Variants in KIAA1217 observed in about 807,000 individuals in gnomAD.
The protein encoded by KIAA1217 is KIAA1217, also known as sickle tail protein homolog.
KIAA1217 carries 88 observed loss-of-function variants against 163.9 expected under a neutral mutation model. The ratio of observed to expected loss-of-function variants is 0.54; its 90% CI spans 0.45 to 0.64. KIAA1217 has a LOEUF of 0.64. KIAA1217 is among the 30% of genes least tolerant of loss of function. KIAA1217 has a pLI of 0.00. For synonymous variants in KIAA1217, 903 were observed against 923.1 expected, an observed-to-expected ratio of 0.98 and a Z score of 0.39; for missense variants, 2,372 against 2,475.0, an observed-to-expected ratio of 0.96 and a Z score of 0.88.
chr10:24,464,625 A>G (rs1186634514), intron 5 of KIAA1217, among the ~76,000 whole-genome samples: 2 of 152,146 alleles, frequency 1.3e-5, no homozygotes, highest in African/African-American at 2.4e-5. Context: ...AGCTGGGAAC[A>G]CAGGCATGCA....
At chr10:24,109,094 G>T (rs558330739) in intron 2 of KIAA1217, among the ~76,000 whole-genome samples, 1 of 152,266 alleles carries the variant, frequency 6.6e-6, no homozygotes, top group Admixed American at 6.5e-5. Context: ...GGCTCCCAAA[G>T]TGTTGGTATT....
At chr10:24,410,688 C>A (rs938540499) in intron 3 of KIAA1217, among the ~76,000 whole-genome samples, 2 of 152,188 alleles carry the variant, frequency 1.3e-5, no homozygotes, top group Admixed American at 6.5e-5. Context: ...ATTTGAGGAA[C>A]TGCAGGTTAA....
intron 2 of KIAA1217, among the ~76,000 whole-genome samples, chr10:24,072,220 G>A (rs1328317529): frequency 6.6e-6 from 1 of 151,846 alleles, no homozygotes; most frequent in African/African-American, 2.4e-5. Context: ...AGAGATGGGG[G>A]TCTCACTATG....
chr10:24,413,305 C>T (rs1379738273), intron 3 of KIAA1217, among the ~76,000 whole-genome samples: 9 of 152,132 alleles, frequency 5.9e-5, no homozygotes, highest in African/African-American at 2.2e-4. Context: ...CCTGTCTCAG[C>T]CTCCCGAGTA....
chr10:24,406,604 A>T (rs1214767637), intron 3 of KIAA1217, among the ~76,000 whole-genome samples: 4 of 152,350 alleles, frequency 2.6e-5, no homozygotes, highest in African/African-American at 9.6e-5. Flanking sequence ...GAGTACTTTT[A>T]TCTTACCTGA....
chr10:23,793,017 G>A, intron 1 of KIAA1217, among the ~76,000 whole-genome samples: 1 of 149,254 alleles, frequency 6.7e-6, no homozygotes, highest in East Asian at 2.0e-4. Context: ...GATTTTCCAG[G>A]AAACATCATC....
intron 2 of KIAA1217, among the ~76,000 whole-genome samples, chr10:24,364,381 C>T (rs970920326): frequency 5.9e-5 from 9 of 152,176 alleles, no homozygotes; most frequent in African/African-American, 2.2e-4. Context: ...TGTGAGAGGC[C>T]TAATAAAATC....
intron 2 of KIAA1217, among the ~76,000 whole-genome samples, chr10:24,103,050 T>C (rs11013896): frequency 0.026 from 3,927 of 152,332 alleles, 73 homozygotes; most frequent in Middle Eastern, 0.085. Flanking sequence ...ACCATGACTG[T>C]GAGCTCTCCC....
chr10:23,713,202 G>A (rs937529063), intron 1 of KIAA1217, among the ~76,000 whole-genome samples: 7 of 152,142 alleles, frequency 4.6e-5, no homozygotes, highest in African/African-American at 1.7e-4. Flanking sequence ...TAGCCAGGAT[G>A]ACTTTTTCAG....
chr10:23,714,336 C>T (rs1837438761), intron 1 of KIAA1217, among the ~76,000 whole-genome samples: 1 of 151,920 alleles, frequency 6.6e-6, no homozygotes, highest in Non-Finnish European at 1.5e-5. Context: ...GAAGAAATTG[C>T]TCCCAGGATA....
chr10:23,966,968 A>G (rs778848831), intron 1 of KIAA1217, among the ~76,000 whole-genome samples: 1 of 152,178 alleles, frequency 6.6e-6, no homozygotes, highest in Non-Finnish European at 1.5e-5. Context: ...AAAACTAAAT[A>G]CATATTGGAA....
chr10:23,772,388 T>C (rs962602112), intron 1 of KIAA1217, among the ~76,000 whole-genome samples: 1 of 152,170 alleles, frequency 6.6e-6, no homozygotes, highest in Non-Finnish European at 1.5e-5. Context: ...GTTAAAAATG[T>C]ACCTGAAAAT....
chr10:24,422,422 C>T (rs2058807229), intron 3 of KIAA1217, among the ~76,000 whole-genome samples: 2 of 151,926 alleles, frequency 1.3e-5, no homozygotes, highest in Non-Finnish European at 2.9e-5. Context: ...GAATAGTGTT[C>T]CTCACAGCAT....
chr10:24,497,357 A>T (rs2133855867), intron 8 of KIAA1217, among the ~76,000 whole-genome samples: 1 of 152,272 alleles, frequency 6.6e-6, no homozygotes, highest in East Asian at 1.9e-4. Flanking sequence ...TATAAGGAAG[A>T]TGTCATTACC....
chr10:23,706,086 C>A (rs1405574927), intron 1 of KIAA1217, among the ~76,000 whole-genome samples: 2 of 151,722 alleles, frequency 1.3e-5, no homozygotes, highest in African/African-American at 2.4e-5. Context: ...AACACAATTG[C>A]TTTTTTTTAT....
chr10:24,271,811 T>C (rs1226843382), intron 2 of KIAA1217, among the ~76,000 whole-genome samples: 1 of 152,018 alleles, frequency 6.6e-6, no homozygotes, highest in Non-Finnish European at 1.5e-5. Context: ...TTAATAAACT[T>C]TCCCCCTGTA....
intron 2 of KIAA1217, among the ~76,000 whole-genome samples, chr10:24,324,811 A>G (rs183179323): frequency 3.7e-4 from 57 of 152,258 alleles, no homozygotes; most frequent in African/African-American, 1.3e-3. Flanking sequence ...CAAGTCTTGC[A>G]AACTTGTACT....
chr10:23,711,539 A>G (rs1837256844), intron 1 of KIAA1217, among the ~76,000 whole-genome samples: 1 of 152,212 alleles, frequency 6.6e-6, no homozygotes, highest in African/African-American at 2.4e-5. Flanking sequence ...ACTCTAATGT[A>G]GTAAATTTGT....
rs759908250 is a variant in KIAA1217 at position 24,433,169 on chromosome 10, T to C, written c.728T>C (p.Val243Ala). The change falls in exon 4 of 21, where the codon GTC becomes GCC. Residue 243 changes from valine (V) to alanine (A), a missense_variant. Val to Ala is a moderately conservative substitution (Grantham distance 64). Transcript: ENST00000376454. ...TACATCAAAGATGAAAGCAGAAATG[T>C]CTATTATGAATTAAATGATGTAAGG... The part of the protein sequence containing the change: ...AIYIKDESRN[V>A]YYELNDVRNI... The C allele has an allele frequency of 1.2e-6, 2 of 1,613,828 alleles. No individual in the cohort carries two copies. The highest frequency in any genetic ancestry group is 1.6e-4 in the Middle Eastern group (1 of 6,062).
Sources: allele counts gnomAD v4.1 joint callset (sites outside exome capture counted in the v4.1 genomes callset), GRCh38; gene constraint gnomAD v4.1.1; transcripts MANE v1.5; gene names NCBI Gene and HGNC (gene_info 2026-07-23, HGNC 2026-07-21).